Variants in NHSL1 observed in about 807,000 individuals in gnomAD.
NHSL1 encodes NHS-like protein 1.
NHSL1 carries 48 observed loss-of-function variants against 95.0 expected under a neutral mutation model. The ratio of observed to expected loss-of-function variants is 0.51; its 90% CI spans 0.40 to 0.64. NHSL1 has a LOEUF of 0.64. Among genes scored for constraint, NHSL1 ranks in the 30% least tolerant of loss-of-function variants. The pLI is 0.00. For missense variants in NHSL1, 1,971 were observed against 2,077.7 expected, an observed-to-expected ratio of 0.95 and a Z score of 1.00; for synonymous variants, 783 against 833.9, an observed-to-expected ratio of 0.94 and a Z score of 1.05.
intron 1 of NHSL1, among the ~76,000 whole-genome samples, chr6:138,613,947 C>A (rs1028791253): frequency 6.6e-6 from 1 of 152,164 alleles, no homozygotes; most frequent in African/African-American, 2.4e-5. Flanking sequence ...TCTCTAGGGA[C>A]AGCCACATTC....
At chr6:138,663,070 A>AAAAAAAG (rs1307413134) in intron 1 of NHSL1, among the ~76,000 whole-genome samples, 14 of 151,990 alleles carry the variant, frequency 9.2e-5, no homozygotes, top group South Asian at 2.1e-4. Flanking sequence ...GGCAAAAAAA[A>AAAAAAAG]AAAGAAAAAG....
intron 1 of NHSL1, among the ~76,000 whole-genome samples, chr6:138,633,548 G>T (rs1784849774): frequency 6.7e-6 from 1 of 148,720 alleles, no homozygotes; most frequent in Non-Finnish European, 1.5e-5. Flanking sequence ...AAGTGCTGAA[G>T]GAAAAAACTT....
At chr6:138,579,811 A>T (rs1372241364) in intron 1 of NHSL1, among the ~76,000 whole-genome samples, 1 of 152,256 alleles carries the variant, frequency 6.6e-6, no homozygotes, top group African/African-American at 2.4e-5. Flanking sequence ...GTGACCTTTT[A>T]AAGCATTTAT....
chr6:138,452,747 G>A (rs907122209), intron 3 of NHSL1, among the ~76,000 whole-genome samples: 1 of 152,016 alleles, frequency 6.6e-6, no homozygotes, highest in Non-Finnish European at 1.5e-5. Context: ...GCAGCCTTTT[G>A]GCTATATGTT....
In NHSL1 at chr6:138,473,401, T is replaced by C. The variant is rs1351076230; in HGVS notation, c.244A>G (p.Ser82Gly). The change falls in exon 3 of 8, where the codon AGT becomes GGT. Residue 82 changes from serine (S) to glycine (G), a missense_variant. Physicochemically the swap from Ser to Gly is moderately conservative, Grantham distance 56. This residue lies in a region of NHSL1 where 1,602 missense variants were observed against 1,654.5 expected (regional missense o/e 0.97). Coordinates refer to ENST00000343505, the MANE Select transcript of NHSL1 (RefSeq NM_001144060.2). The part of the protein sequence containing the change: ...CDKLRHDGYR[S>G]SQYYSQGPTF... ...GGTCCCTGAGAGTAGTACTGAGAACTGCGGTAGCCATCATGCCGCAACTTA... is the reference window on the plus strand; with the variant it reads ...GGTCCCTGAGAGTAGTACTGAGAACCGCGGTAGCCATCATGCCGCAACTTA... The C allele has an allele frequency of 7.9e-6, 12 of 1,525,822 alleles. No homozygotes were observed. The highest frequency in any genetic ancestry group is 9.7e-6 in the Non-Finnish European group (11 of 1,134,700). The allele number at this position is 1,525,822 out of a possible 1,614,324, so 94.5% of individuals were successfully genotyped here. A position where few individuals can be genotyped will look rare whatever the true frequency, so the allele number is the denominator to read the frequency against.
At chr6:138,474,077 G>A (rs568373514) in intron 2 of NHSL1, among the ~76,000 whole-genome samples, 5 of 152,134 alleles carry the variant, frequency 3.3e-5, no homozygotes, top group African/African-American at 1.2e-4. Context: ...CATGGATCTC[G>A]GGGTACTGGG....
upstream of NHSL1, among the ~76,000 whole-genome samples, chr6:138,504,022 G>C (rs545109632): frequency 1.3e-5 from 2 of 152,134 alleles, no homozygotes; most frequent in Admixed American, 1.3e-4. Flanking sequence ...CTTGAGGCCA[G>C]GTGTTCAATA....
chr6:138,692,196 A>G lies in NHSL1; in HGVS notation c.96+280T>C, dbSNP rs761284594. On this transcript the variant is annotated intron_variant, in intron 1 of 3. Transcript: ENST00000491526. This position sits in a 1 kb window ranked among gnomAD's most constrained non-coding sequence, Gnocchi z 4.0. Reference sequence around the variant, plus strand: ...GTCTCCCAAACAGACAGACACAGACAGACAGAAGGAGCAGACAAGGGGACT... The same window carrying G: ...GTCTCCCAAACAGACAGACACAGACGGACAGAAGGAGCAGACAAGGGGACT... The G allele has an allele frequency of 6.6e-6, 3 of 456,610 alleles. No homozygotes were observed. The highest frequency in any genetic ancestry group is 4.0e-5 in the African/African-American group (2 of 50,068). 28.3% of individuals were successfully genotyped at this position (456,610 alleles called of 1,614,324 possible). A position where few individuals can be genotyped will look rare whatever the true frequency, so the allele number is the denominator to read the frequency against.
At chr6:138,559,444 C>CAG (rs1783330432) in intron 1 of NHSL1, among the ~76,000 whole-genome samples, 1 of 152,180 alleles carries the variant, frequency 6.6e-6, no homozygotes, top group Admixed American at 6.5e-5. Context: ...ACTAGGGGCG[C>CAG]AGAGGGGAAC....
chr6:138,635,950 TAAAAAAAAAA>T (rs930630887), intron 1 of NHSL1, among the ~76,000 whole-genome samples: 2 of 94,386 alleles, frequency 2.1e-5, no homozygotes, highest in East Asian at 3.1e-4. Flanking sequence ...CCGTCTCTAC[TAAAAAAAAAA>T]AAAAAAAAAA....
At chr6:138,574,678 AAAAAAAAAAG>A (rs923009356), upstream of NHSL1, among the ~76,000 whole-genome samples, 35 of 144,628 alleles carry the variant, frequency 2.4e-4, 1 homozygote, top group Admixed American at 4.0e-4. Flanking sequence ...AATGCAAAAA[AAAAAAAAAAG>A]AAAAGAAAAA....
At chr6:138,656,128 C>T (rs969644996) in intron 1 of NHSL1, among the ~76,000 whole-genome samples, 1 of 152,102 alleles carries the variant, frequency 6.6e-6, no homozygotes, top group African/African-American at 2.4e-5. Flanking sequence ...TGCTTAAGCA[C>T]CGGTCCTCGA....
chr6:138,639,797 CA>C (rs56909767), intron 1 of NHSL1, among the ~76,000 whole-genome samples: 1,038 of 22,520 alleles, frequency 0.046, 2 homozygotes, highest in Non-Finnish European at 0.076. Flanking sequence ...GACTCAGTCT[CA>C]AAAAAAAAAA....
intron 2 of NHSL1, among the ~76,000 whole-genome samples, chr6:138,479,262 G>A (rs933660432): frequency 1.6e-4 from 24 of 152,072 alleles, no homozygotes; most frequent in South Asian, 8.3e-4. Context: ...TCTTAGCAAC[G>A]TCAGCATATG....
chr6:138,689,353 A>T (rs1352419053), intron 1 of NHSL1, among the ~76,000 whole-genome samples: 1 of 152,182 alleles, frequency 6.6e-6, no homozygotes, highest in South Asian at 2.1e-4. Flanking sequence ...AGAAAGTAGG[A>T]GTCTTCAATG....
chr6:138,465,365 ACT>A (rs1469397433), intron 3 of NHSL1, among the ~76,000 whole-genome samples: 2 of 152,200 alleles, frequency 1.3e-5, no homozygotes, highest in East Asian at 3.9e-4. Flanking sequence ...TGATCTCCTA[ACT>A]CTGAATGCCA....
chr6:138,663,120 T>C (rs1785248147), intron 1 of NHSL1, among the ~76,000 whole-genome samples: 1 of 149,516 alleles, frequency 6.7e-6, no homozygotes, highest in East Asian at 2.0e-4. Flanking sequence ...TGTCAAATAA[T>C]ACATATTTCC....
At chr6:138,645,236 T>C (rs761435544) in intron 1 of NHSL1, among the ~76,000 whole-genome samples, 2 of 152,212 alleles carry the variant, frequency 1.3e-5, no homozygotes, top group Non-Finnish European at 2.9e-5. Flanking sequence ...GACAGCAATG[T>C]GGACCACACT....
intron 1 of NHSL1, among the ~76,000 whole-genome samples, chr6:138,611,074 CAA>C (rs35836188): frequency 4.5e-5 from 6 of 133,028 alleles, no homozygotes; most frequent in Admixed American, 7.6e-5. Flanking sequence ...AGACTGTCTC[CAA>C]AAAAAAAAAA....
Sources: allele counts gnomAD v4.1 joint callset (sites outside exome capture counted in the v4.1 genomes callset), GRCh38; gene constraint gnomAD v4.1.1; regional missense constraint gnomAD v4.1.1; non-coding constraint Gnocchi (gnomAD v3.1); transcripts MANE v1.5; gene names NCBI Gene and HGNC (gene_info 2026-07-23, HGNC 2026-07-21).